PPP2R5D: variants seen among roughly 807,000 people sequenced by gnomAD.
The protein encoded by PPP2R5D is protein phosphatase 2 regulatory subunit B'delta.
PPP2R5D carries 12 observed loss-of-function variants against 79.1 expected under a neutral mutation model. The observed-to-expected ratio is 0.15, with a 90% CI of 0.10 to 0.25. The LOEUF is 0.25. PPP2R5D is among the 10% of genes least tolerant of loss of function. The probability of loss-of-function intolerance (pLI) is 1.00; values close to 1 mark genes in which losing one functional copy is unlikely to be tolerated. For synonymous variants in PPP2R5D, 277 were observed against 286.6 expected, an observed-to-expected ratio of 0.97 and a Z score of 0.34; for missense variants, 419 against 760.2, an observed-to-expected ratio of 0.55 and a Z score of 5.28.
Position 43,008,413 on chromosome 6 carries a change from T to G in PPP2R5D, c.964T>G (p.Phe322Val), listed in dbSNP as rs752966764. 1 of 1,614,134 alleles carries G rather than the reference T, an allele frequency of 6.2e-7. No homozygotes were observed. Among genetic ancestry groups the G allele is most frequent in the South Asian group, 1.1e-5 (1 of 91,082 alleles). Reference sequence around the variant, plus strand: ...GCCCCTTAAAGAAGAGCACAAGATGTTCCTCATCCGTGTCCTACTTCCCCT... The same window carrying G: ...GCCCCTTAAAGAAGAGCACAAGATGGTCCTCATCCGTGTCCTACTTCCCCT... The part of the protein sequence containing the change: ...ALPLKEEHKM[F>V]LIRVLLPLHK... The change falls in exon 9 of 16, where the codon TTC (phenylalanine) becomes GTC (valine). Residue 322 changes from phenylalanine to valine, a missense_variant. Physicochemically the swap from Phe to Val is conservative, Grantham distance 50 (BLOSUM62 -1). Around this residue, in one of 5 missense-constraint regions of PPP2R5D, gnomAD observed 196 missense variants for 424.5 expected, o/e 0.46. Coordinates refer to ENST00000485511, the MANE Select transcript of PPP2R5D (RefSeq NM_006245.4). This position sits in a 1 kb window ranked among gnomAD's most constrained non-coding sequence, Gnocchi z 4.2.
chr6:42,988,030 A>G (rs1770981526), intron 1 of PPP2R5D, among the ~76,000 whole-genome samples: 1 of 152,052 alleles, frequency 6.6e-6, no homozygotes, highest in East Asian at 1.9e-4. Context: ...GGGTTAGTAT[A>G]CAGCAGGAGC....
intron 2 of PPP2R5D, among the ~76,000 whole-genome samples, chr6:42,996,420 C>T (rs1295255576): frequency 6.6e-6 from 1 of 150,612 alleles, no homozygotes; most frequent in African/African-American, 2.4e-5. Context: ...GCCGAGATGG[C>T]GCCACTGCAC....
Position 43,008,313 on chromosome 6 carries a change from G to A in PPP2R5D, c.917+53G>A, listed in dbSNP as rs1019801370. 2.7e-5 allele frequency: 44 copies of A among 1,613,376 alleles called. No individual in the cohort carries two copies. Among genetic ancestry groups the A allele is most frequent in the Non-Finnish European group, 3.6e-5 (42 of 1,179,430 alleles). On this transcript the variant is annotated intron_variant, in intron 8 of 15. Coordinates refer to ENST00000485511, the MANE Select transcript of PPP2R5D (RefSeq NM_006245.4). This position sits in a 1 kb window ranked among gnomAD's most constrained non-coding sequence, Gnocchi z 4.2. ...CCTGAAAAAGGTTGGCAGGATTGGT[G>A]TACTGAACTTGGATCTGACCCTCTG...
chr6:42,996,513 A>C (rs554996398), intron 2 of PPP2R5D, among the ~76,000 whole-genome samples: 40 of 151,402 alleles, frequency 2.6e-4, no homozygotes, highest in Non-Finnish European at 4.6e-4. Context: ...AGAAAAAAAA[A>C]CAAACAAATC....
At position 43,010,265 on chromosome 6, in the gene PPP2R5D, T is replaced by C. The variant is rs1762287776; in HGVS notation, c.1380-203T>C. Among the ~76,000 whole-genome samples, 1 of 152,140 alleles carries C rather than the reference T, an allele frequency of 6.6e-6. No individual in the cohort carries two copies. Among genetic ancestry groups the C allele is most frequent in the African/African-American group, 2.4e-5 (1 of 41,416 alleles). ...AGGGAAGGATGGACAGGTGGACCGA[T>C]ATTTGTGAAAACCATGAAATGCCAG... is the stretch of plus-strand genomic sequence containing the variant. On this transcript the variant is annotated intron_variant, in intron 12 of 15. Coordinates refer to ENST00000485511, the MANE Select transcript of PPP2R5D (RefSeq NM_006245.4). This position sits in a 1 kb window ranked among gnomAD's most constrained non-coding sequence, Gnocchi z 4.7.
Position 43,008,825 on chromosome 6 carries a change from TA to T in PPP2R5D, c.1080+81del. The T allele has an allele frequency of 6.6e-7, 1 of 1,504,600 alleles. No individual in the cohort carries two copies. Among genetic ancestry groups the T allele is most frequent in the Non-Finnish European group, 9.2e-7 (1 of 1,090,648 alleles). 93.2% of individuals were successfully genotyped at this position (1,504,600 alleles called of 1,614,324 possible). On this transcript the variant is annotated intron_variant, in intron 10 of 15. Transcript: ENST00000485511. This position sits in a 1 kb window ranked among gnomAD's most constrained non-coding sequence, Gnocchi z 4.2. ...CAGTCTGTACCTACTGGGGGTGCCA[TA>T]AGGGGGAACTCAGGAGGGCTGTGAC...
At chr6:43,005,000 T>C (rs909974476) in intron 2 of PPP2R5D, among the ~76,000 whole-genome samples, 14 of 152,016 alleles carry the variant, frequency 9.2e-5, no homozygotes, top group African/African-American at 3.4e-4. Flanking sequence ...ACACCCACCT[T>C]GGCCAAAGTG....
At chr6:42,987,246 T>C (rs1267374561) in intron 1 of PPP2R5D, among the ~76,000 whole-genome samples, 1 of 152,212 alleles carries the variant, frequency 6.6e-6, no homozygotes, top group Non-Finnish European at 1.5e-5. Flanking sequence ...AAGTTTCATT[T>C]TGGTTTGACA....
chr6:43,003,713 AT>A (rs895453249), intron 2 of PPP2R5D, among the ~76,000 whole-genome samples: 18 of 147,714 alleles, frequency 1.2e-4, no homozygotes, highest in East Asian at 1.2e-3. Context: ...TTTGTACTGT[AT>A]TTTTTTTTTA....
At chr6:42,989,831 C>T in intron 2 of PPP2R5D, 143 bp downstream of exon 2, 1 of 751,738 alleles carries the variant, frequency 1.3e-6, no homozygotes, top group Non-Finnish European at 2.1e-6. Context: ...CCCATCCAGA[C>T]TGCCCTCAGG....
At chr6:43,001,320 G>T (rs1176129666) in intron 2 of PPP2R5D, among the ~76,000 whole-genome samples, 1 of 152,016 alleles carries the variant, frequency 6.6e-6, no homozygotes, top group African/African-American at 2.4e-5. Flanking sequence ...TGTATTTTTA[G>T]TTGAGTTGGG....
intron 2 of PPP2R5D, among the ~76,000 whole-genome samples, chr6:43,005,679 T>C (rs1762034990): frequency 6.6e-6 from 1 of 151,832 alleles, no homozygotes; most frequent in African/African-American, 2.4e-5. Context: ...TGGAGTGCAA[T>C]GGCATGATCT....
chr6:43,000,725 C>T (rs906312754), intron 2 of PPP2R5D, among the ~76,000 whole-genome samples: 1 of 152,198 alleles, frequency 6.6e-6, no homozygotes, highest in African/African-American at 2.4e-5. Context: ...ACTGATGTTT[C>T]TCCTTCAGAC....
At chr6:42,984,773 C>T (rs960362484) in intron 1 of PPP2R5D, 69 bp downstream of exon 1, 10 of 1,604,288 alleles carry the variant, frequency 6.2e-6, no homozygotes, top group African/African-American at 4.0e-5. Context: ...GGGCCGGAGC[C>T]AGGCCCGGGA....
chr6:42,996,682 T>G (rs1441007384), intron 2 of PPP2R5D, among the ~76,000 whole-genome samples: 2 of 152,202 alleles, frequency 1.3e-5, no homozygotes, highest in Non-Finnish European at 1.5e-5. Flanking sequence ...CATGTCTTAG[T>G]CACCTTTTAA....
At position 43,006,448 on chromosome 6, in the gene PPP2R5D, G is replaced by C. The variant is rs774961027; in HGVS notation, c.106-15G>C. ...TCTTGGGAAGTGGATTTCAACAGGT[G>C]ACTTGTTTGACCAGGCCCAGCCGCA... On this transcript the variant is annotated splice_polypyrimidine_tract_variant and intron_variant, in intron 2 of 15. Coordinates refer to ENST00000485511, the MANE Select transcript of PPP2R5D (RefSeq NM_006245.4). This position sits in a 1 kb window ranked among gnomAD's most constrained non-coding sequence, Gnocchi z 4.7. 1.2e-5 allele frequency: 20 copies of C among 1,611,508 alleles called. No individual in the cohort carries two copies. The highest frequency in any genetic ancestry group is 1.7e-5 in the Non-Finnish European group (20 of 1,179,106).
intron 2 of PPP2R5D, among the ~76,000 whole-genome samples, chr6:42,996,280 T>C (rs1385097604): frequency 2.7e-5 from 4 of 149,624 alleles, no homozygotes; most frequent in East Asian, 2.0e-4. Context: ...CTGGCTAACA[T>C]GGTGAAACCC....
intron 2 of PPP2R5D, among the ~76,000 whole-genome samples, chr6:42,996,764 A>C (rs1461476254): frequency 6.6e-6 from 1 of 152,240 alleles, no homozygotes; most frequent in Admixed American, 6.5e-5. Flanking sequence ...TTAGTTAATA[A>C]TTGAAGGAAG....
chr6:43,000,751 G>C (rs1772124535), intron 2 of PPP2R5D, among the ~76,000 whole-genome samples: 1 of 152,188 alleles, frequency 6.6e-6, no homozygotes, highest in African/African-American at 2.4e-5. Context: ...TCCTAATGCT[G>C]TATAGCCCCC....
Sources: allele counts gnomAD v4.1 joint callset (sites outside exome capture counted in the v4.1 genomes callset), GRCh38; gene constraint gnomAD v4.1.1; regional missense constraint gnomAD v4.1.1; non-coding constraint Gnocchi (gnomAD v3.1); transcripts MANE v1.5; gene names NCBI Gene and HGNC (gene_info 2026-07-23, HGNC 2026-07-21).